Variants in ZFAND6 observed in about 807,000 individuals in gnomAD.
The protein encoded by ZFAND6 is zinc finger AN1-type containing 6, also known as AN1-type zinc finger protein 6.
A neutral mutation model predicts 24.5 loss-of-function variants in ZFAND6; 12 were observed. That is an observed-to-expected ratio of 0.49 (90% confidence interval 0.31 to 0.79). The LOEUF is 0.79. Ranked by LOEUF, ZFAND6 falls within the 30% of genes least tolerant of loss-of-function variation. ZFAND6 has a pLI of 0.04. For missense variants in ZFAND6, 207 were observed against 245.9 expected (o/e 0.84, Z 1.06); for synonymous variants, 92 against 81.5 (o/e 1.13, Z -0.69).
chr15:80,111,541 A>G, intron 2 of ZFAND6: 1 of 456,040 alleles, frequency 2.2e-6, no homozygotes. Context: ...TCAGATGCAA[A>G]CAATACAGTG....
intron 1 of ZFAND6, among the ~76,000 whole-genome samples, chr15:80,066,299 T>A (rs1329905180): frequency 6.6e-6 from 1 of 151,752 alleles, no homozygotes; most frequent in African/African-American, 2.4e-5. Flanking sequence ...TTTCTTTAGC[T>A]TTCCCAATCT....
intron 2 of ZFAND6, among the ~76,000 whole-genome samples, chr15:80,103,645 A>G (rs1279666791): frequency 6.6e-6 from 1 of 152,218 alleles, no homozygotes; most frequent in East Asian, 1.9e-4. Context: ...AATCTTTTGC[A>G]GAAACCAGGT....
At chr15:80,122,328 C>CT (rs774218496) in intron 4 of ZFAND6, among the ~76,000 whole-genome samples, 44 of 152,230 alleles carry the variant, frequency 2.9e-4, no homozygotes, top group Non-Finnish European at 5.0e-4. Context: ...AGTTCCTACA[C>CT]TGGGGTTCCT....
chr15:80,137,715 A>G lies in ZFAND6; in HGVS notation c.*87A>G. 1 of 1,364,122 alleles carries G rather than the reference A, an allele frequency of 7.3e-7. No homozygotes were observed. The highest frequency in any genetic ancestry group is 1.6e-5 in the South Asian group (1 of 61,516). The allele number at this position is 1,364,122 out of a possible 1,614,324, so 84.5% of individuals were successfully genotyped here. ...TTTTTCCTAGTCATTGGGAATGTAGAGCAGTGTATCTTGCATGTCATCGGA... is the reference window on the plus strand; with the variant it reads ...TTTTTCCTAGTCATTGGGAATGTAGGGCAGTGTATCTTGCATGTCATCGGA... On this transcript the variant is annotated 3_prime_UTR_variant, in exon 7 of 7. Coordinates refer to ENST00000261749, the MANE Select transcript of ZFAND6 (RefSeq NM_019006.4).
Position 80,120,499 on chromosome 15 carries a change from G to C in ZFAND6, c.154+1G>C, listed in dbSNP as rs1454938287. On this transcript the variant is annotated splice_donor_variant, in intron 3 of 6. Coordinates refer to ENST00000261749, the MANE Select transcript of ZFAND6 (RefSeq NM_019006.4). LOFTEE classifies it high-confidence loss of function. ...AGTAATGGTAGAATAAGCCCACCTGGTAAGTAATTCTAGTGAAACCCGTCT... is the reference window on the plus strand; with the variant it reads ...AGTAATGGTAGAATAAGCCCACCTGCTAAGTAATTCTAGTGAAACCCGTCT... The C allele has an allele frequency of 1.3e-5, 20 of 1,524,908 alleles. No homozygotes were observed. The highest frequency in any genetic ancestry group is 1.8e-5 in the Non-Finnish European group (20 of 1,126,160). The allele number at this position is 1,524,908 out of a possible 1,614,324, so 94.5% of individuals were successfully genotyped here.
intron 1 of ZFAND6, among the ~76,000 whole-genome samples, chr15:80,083,369 T>G (rs2037797225): frequency 6.6e-6 from 1 of 152,206 alleles, no homozygotes; most frequent in Non-Finnish European, 1.5e-5. Context: ...CTGCACAGGT[T>G]TCTTAAGCAA....
intron 1 of ZFAND6, among the ~76,000 whole-genome samples, chr15:80,068,427 A>G (rs928004127): frequency 6.6e-6 from 1 of 151,862 alleles, no homozygotes; most frequent in African/African-American, 2.4e-5. Flanking sequence ...GCTGGAGTAC[A>G]GTGGCACGAT....
intron 1 of ZFAND6, among the ~76,000 whole-genome samples, chr15:80,065,002 C>CTTT (rs371580044): frequency 1.5e-5 from 1 of 68,138 alleles, no homozygotes; most frequent in African/African-American, 6.0e-5. Context: ...CTCTCTCCCC[C>CTTT]TTTTTTTTTT....
chr15:80,059,858 C>T, intron 1 of ZFAND6, 49 bp downstream of exon 1: 1 of 151,464 alleles, frequency 6.6e-6, no homozygotes, highest in Non-Finnish European at 1.5e-5. Flanking sequence ...CTGCCCCTCC[C>T]CCGCCTGCTC....
At chr15:80,127,975 G>T (rs1212916290) in intron 5 of ZFAND6, among the ~76,000 whole-genome samples, 1 of 152,144 alleles carries the variant, frequency 6.6e-6, no homozygotes, top group Non-Finnish European at 1.5e-5. Flanking sequence ...AAAAAATGTG[G>T]TATATCCGTA....
At chr15:80,120,230 A>G (rs1285506493) in intron 2 of ZFAND6, 98 bp from the exon 3 acceptor site, 1 of 981,270 alleles carries the variant, frequency 1.0e-6, no homozygotes, top group Non-Finnish European at 1.4e-6. Flanking sequence ...AGTTTGATAT[A>G]TGTGGGCTTT....
At chr15:80,093,208 G>T (rs930726562) in intron 1 of ZFAND6, among the ~76,000 whole-genome samples, 4 of 151,390 alleles carry the variant, frequency 2.6e-5, no homozygotes, top group African/African-American at 7.3e-5. Flanking sequence ...CTCGTGATCC[G>T]CCTGCCTCGG....
chr15:80,082,973 A>G (rs2037764829), intron 1 of ZFAND6, among the ~76,000 whole-genome samples: 1 of 152,134 alleles, frequency 6.6e-6, no homozygotes, highest in African/African-American at 2.4e-5. Context: ...TATCCTATAC[A>G]TATATACATA....
At chr15:80,066,779 C>T (rs2036666648) in intron 1 of ZFAND6, among the ~76,000 whole-genome samples, 1 of 151,622 alleles carries the variant, frequency 6.6e-6, no homozygotes, top group African/African-American at 2.4e-5. Context: ...TAGCTGTAAT[C>T]CCAGCTACTC....
intron 2 of ZFAND6, among the ~76,000 whole-genome samples, chr15:80,102,992 T>A (rs115344596): frequency 0.012 from 1,847 of 152,344 alleles, 44 homozygotes; most frequent in African/African-American, 0.039. Flanking sequence ...TGTGCTATTC[T>A]GTCTCCTCCC....
intron 1 of ZFAND6, among the ~76,000 whole-genome samples, chr15:80,096,506 T>C (rs575145768): frequency 3.6e-4 from 55 of 152,372 alleles, no homozygotes; most frequent in African/African-American, 1.3e-3. Context: ...ATAAGTCGAT[T>C]ATAGAGAAAC....
chr15:80,077,834 G>A (rs1192222194), intron 1 of ZFAND6, among the ~76,000 whole-genome samples: 2 of 151,260 alleles, frequency 1.3e-5, no homozygotes, highest in East Asian at 3.9e-4. Flanking sequence ...CAAGGAGCTG[G>A]GACTACAGGT....
At chr15:80,100,529 A>C (rs1038327433) in intron 2 of ZFAND6, among the ~76,000 whole-genome samples, 18 of 152,186 alleles carry the variant, frequency 1.2e-4, no homozygotes, top group Admixed American at 3.9e-4. Flanking sequence ...CTCTTCTCTC[A>C]AGGGGATAAA....
At chr15:80,114,336 C>T (rs971958708) in intron 2 of ZFAND6, among the ~76,000 whole-genome samples, 15 of 152,328 alleles carry the variant, frequency 9.8e-5, no homozygotes, top group African/African-American at 3.6e-4. Flanking sequence ...ATTCTGTTTA[C>T]ATACAGCATA....
Sources: allele counts gnomAD v4.1 joint callset (sites outside exome capture counted in the v4.1 genomes callset), GRCh38; gene constraint gnomAD v4.1.1; transcripts MANE v1.5; gene names NCBI Gene and HGNC (gene_info 2026-07-23, HGNC 2026-07-21).